IL1RAPL2: variants seen among roughly 807,000 people sequenced by gnomAD.
IL1RAPL2 encodes interleukin 1 receptor accessory protein like 2.
IL1RAPL2 carries 3 observed loss-of-function variants against 44.1 expected under a neutral mutation model. The ratio of observed to expected loss-of-function variants is 0.07; its 90% CI spans 0.03 to 0.18. The LOEUF is 0.18. Ranked by LOEUF, IL1RAPL2 falls within the 10% of genes least tolerant of loss-of-function variation. IL1RAPL2 has a pLI of 1.00. For synonymous variants in IL1RAPL2, 181 were observed against 178.8 expected (o/e 1.01, Z -0.10); for missense variants, 391 against 496.4 (o/e 0.79, Z 2.02).
In IL1RAPL2 at chrX:104,594,889, G is replaced by A. The variant is rs1307943673; in HGVS notation, c.-20+27838G>A. Among the ~76,000 whole-genome samples the A allele has an allele frequency of 3.6e-5, 4 of 111,738 alleles. No homozygotes were observed. In the East Asian group the frequency reaches 1.1e-3, roughly 31 times the overall value. ...AAGAGCTTAGTGAATTGGTTTTGGG[G>A]AAAAGAGCAGTGTAGCTGGAGTTTA... On this transcript the variant is annotated intron_variant, in intron 1 of 10. Coordinates refer to ENST00000372582, the MANE Select transcript of IL1RAPL2 (RefSeq NM_017416.2).
At chrX:104,680,550 A>T (rs1299310849) in intron 2 of IL1RAPL2, among the ~76,000 whole-genome samples, 1 of 111,507 alleles carries the variant, frequency 9.0e-6, no homozygotes, top group Non-Finnish European at 1.9e-5. Flanking sequence ...ATTTTTAAAC[A>T]TAGAGCCCGA....
chrX:104,828,205 C>A (rs1043213290), intron 2 of IL1RAPL2, among the ~76,000 whole-genome samples: 1 of 111,945 alleles, frequency 8.9e-6, no homozygotes, highest in African/African-American at 3.2e-5. Context: ...GGACAAGAGG[C>A]ATTTTGGTTT....
chrX:105,223,090 C>T (rs1361629354), intron 3 of IL1RAPL2, among the ~76,000 whole-genome samples: 1 of 107,389 alleles, frequency 9.3e-6, no homozygotes, highest in Non-Finnish European at 1.9e-5. Flanking sequence ...GCAGAGGTTG[C>T]AGTGAGCCGA....
At chrX:105,454,410 T>C (rs1306200903) in intron 5 of IL1RAPL2, among the ~76,000 whole-genome samples, 1 of 111,564 alleles carries the variant, frequency 9.0e-6, no homozygotes, top group African/African-American at 3.3e-5. Context: ...TGGTCCCACC[T>C]GTCATTCCAC....
In IL1RAPL2 at chrX:104,765,656, T is replaced by C. The variant is rs140662257; in HGVS notation, c.82+106661T>C. Among the ~76,000 whole-genome samples the C allele has an allele frequency of 8.4e-3, 939 of 112,132 alleles. 13 individuals carry two copies. Among genetic ancestry groups the C allele is most frequent in the African/African-American group, 0.029 (881 of 30,887 alleles). ...GGTCTTTGTGGGAGAACCCTATGACTCTCTCATGAAATACATTTTGGGAGT... is the reference window on the plus strand; with the variant it reads ...GGTCTTTGTGGGAGAACCCTATGACCCTCTCATGAAATACATTTTGGGAGT... On this transcript the variant is annotated intron_variant, in intron 2 of 10. Transcript: ENST00000372582.
intron 2 of IL1RAPL2, among the ~76,000 whole-genome samples, chrX:104,699,334 A>G (rs1931234480): frequency 8.9e-6 from 1 of 111,856 alleles, no homozygotes; most frequent in African/African-American, 3.2e-5. Flanking sequence ...ACATGGTCCC[A>G]TCTGGGGGTG....
At chrX:105,587,875 C>A (rs750750629) in intron 6 of IL1RAPL2, among the ~76,000 whole-genome samples, 1 of 110,686 alleles carries the variant, frequency 9.0e-6, no homozygotes, top group East Asian at 2.8e-4. Flanking sequence ...TCTATCTCTA[C>A]AAAAATTTTA....
intron 6 of IL1RAPL2, among the ~76,000 whole-genome samples, chrX:105,632,276 C>G (rs2037496991): frequency 9.0e-6 from 1 of 111,566 alleles, no homozygotes. Flanking sequence ...TCAATAAACT[C>G]TTTTTAGTTA....
At position 104,908,674 on chromosome X, in the gene IL1RAPL2, C is replaced by A. The variant is rs1262701995; in HGVS notation, c.82+249679C>A. Among the ~76,000 whole-genome samples, 3 of 111,231 alleles carry A rather than the reference C, an allele frequency of 2.7e-5. No individual in the cohort carries two copies. The East Asian group carries it at 8.5e-4, about 31-fold the overall frequency. The stretch of plus-strand genomic sequence containing the variant: ...TGTAGGGTTTCTGCTGAGAGATCCG[C>A]TGTTAGTCTGATGGGCTTCCCTTTG... On this transcript the variant is annotated intron_variant, in intron 2 of 10. Coordinates refer to ENST00000372582, the MANE Select transcript of IL1RAPL2 (RefSeq NM_017416.2).
chrX:105,123,802 T>C, intron 2 of IL1RAPL2, among the ~76,000 whole-genome samples: 1 of 111,134 alleles, frequency 9.0e-6, no homozygotes, highest in East Asian at 2.8e-4. Flanking sequence ...ACTACATTTA[T>C]CAACGTTCTC....
At chrX:105,574,769 G>T (rs1328611358) in intron 6 of IL1RAPL2, among the ~76,000 whole-genome samples, 3 of 111,200 alleles carry the variant, frequency 2.7e-5, no homozygotes, top group Non-Finnish European at 5.7e-5. Context: ...AGATAATAGT[G>T]TTACGTAGAC....
chrX:104,606,424 C>G (rs1333859211), intron 1 of IL1RAPL2, among the ~76,000 whole-genome samples: 3 of 111,810 alleles, frequency 2.7e-5, no homozygotes, highest in Non-Finnish European at 5.6e-5. Context: ...CAAGGATGCC[C>G]TCTCTCACCA....
intron 5 of IL1RAPL2, among the ~76,000 whole-genome samples, chrX:105,297,255 G>A (rs913141059): frequency 2.7e-5 from 3 of 111,596 alleles, no homozygotes; most frequent in African/African-American, 6.5e-5. Context: ...GACAGCAAGA[G>A]GTTGAGTAAT....
At chrX:105,124,715 G>T (rs2032957693) in intron 2 of IL1RAPL2, among the ~76,000 whole-genome samples, 1 of 110,217 alleles carries the variant, frequency 9.1e-6, no homozygotes, top group Non-Finnish European at 1.9e-5. Flanking sequence ...TCTATAAAAA[G>T]ATACTATCAT....
chrX:105,753,086 G>A (rs893673188), intron 9 of IL1RAPL2: 1 of 316,423 alleles, frequency 3.2e-6, no homozygotes, highest in South Asian at 2.8e-5. Context: ...CTTTCTAGGG[G>A]TAAGTCTTTG....
rs765757477 is a variant in IL1RAPL2 at position 105,714,708 on chromosome X, C to A, written c.773-2659C>A. ...AATAACATTACTCCATTCATAAGGG[C>A]AAAGCCCTCATGACCTAATTATCTT... On this transcript the variant is annotated intron_variant, in intron 6 of 10. Coordinates refer to ENST00000372582, the MANE Select transcript of IL1RAPL2 (RefSeq NM_017416.2). Among the ~76,000 whole-genome samples the A allele has an allele frequency of 6.3e-5, 7 of 111,970 alleles. No individual in the cohort carries two copies. In the South Asian group the frequency reaches 2.2e-3, roughly 36 times the overall value.
chrX:105,531,986 A>T (rs961065760), intron 6 of IL1RAPL2, among the ~76,000 whole-genome samples: 2 of 111,707 alleles, frequency 1.8e-5, no homozygotes, highest in Non-Finnish European at 3.8e-5. Context: ...AAAGACAGGT[A>T]TGTGATTCCT....
At chrX:105,014,816 T>C (rs1313741866) in intron 2 of IL1RAPL2, among the ~76,000 whole-genome samples, 1 of 112,291 alleles carries the variant, frequency 8.9e-6, no homozygotes. Context: ...TTATAATACC[T>C]TGGGCACATG....
intron 4 of IL1RAPL2, among the ~76,000 whole-genome samples, chrX:105,243,569 A>G (rs189613535): frequency 1.3e-3 from 113 of 83,720 alleles, no homozygotes; most frequent in Admixed American, 5.1e-3. Context: ...ATATGTGTGT[A>G]TATATATATA....
Sources: gnomAD v4.1 joint callset for allele counts (sites outside exome capture counted in the v4.1 genomes callset) on GRCh38, gnomAD v4.1.1 for gene constraint, MANE v1.5 for transcripts, NCBI Gene and HGNC (gene_info 2026-07-23, HGNC 2026-07-21) for gene names.